Variants in N4BP2 observed in about 807,000 individuals in gnomAD.
The protein encoded by N4BP2 is NEDD4 binding protein 2, also known as NEDD4-binding protein 2.
N4BP2 carries 91 observed loss-of-function variants against 152.8 expected under a neutral mutation model. That is an observed-to-expected ratio of 0.60 (90% confidence interval 0.50 to 0.71). N4BP2 has a LOEUF of 0.71. N4BP2 is among the 30% of genes least tolerant of loss of function. N4BP2 has a pLI of 0.00. For synonymous variants in N4BP2, 646 were observed against 705.3 expected (o/e 0.92, Z 1.33); for missense variants, 1,923 against 2,059.1 (o/e 0.93, Z 1.28).
intron 16 of N4BP2, 52 bp from the exon 17 acceptor site, chr4:40,152,728 T>C: frequency 1.9e-6 from 3 of 1,600,254 alleles, no homozygotes; most frequent in Non-Finnish European, 2.6e-6. Flanking sequence ...ACGTTTTCTA[T>C]TGAGAATGTA....
chr4:40,096,620 G>A (rs574223726), intron 2 of N4BP2, among the ~76,000 whole-genome samples: 1 of 152,324 alleles, frequency 6.6e-6, no homozygotes, highest in Admixed American at 6.5e-5. Flanking sequence ...GACTGAAGCG[G>A]CAAGGGTGGA....
At chr4:40,175,986 A>G in the N4BP2 span, among the ~76,000 whole-genome samples, 9 of 150,310 alleles carry the variant, frequency 6.0e-5, no homozygotes, top group Non-Finnish European at 8.9e-5. Flanking sequence ...GCTACTTGGG[A>G]GGCTGAGCCA....
the N4BP2 span, among the ~76,000 whole-genome samples, chr4:40,172,234 G>A: frequency 2.0e-5 from 3 of 152,098 alleles, no homozygotes; most frequent in Non-Finnish European, 4.4e-5. Flanking sequence ...GTCTTTTCAT[G>A]TTCTTCTGCC....
At chr4:40,187,242 A>C in the N4BP2 span, among the ~76,000 whole-genome samples, 466 of 152,294 alleles carry the variant, frequency 3.1e-3, 10 homozygotes, top group Admixed American at 0.019. Flanking sequence ...TGTTCTGGTA[A>C]GCTGATTTTC....
At chr4:40,136,557 T>G (rs1719421641) in intron 13 of N4BP2, among the ~76,000 whole-genome samples, 1 of 152,066 alleles carries the variant, frequency 6.6e-6, no homozygotes, top group Admixed American at 6.6e-5. Flanking sequence ...CAGCTAATTT[T>G]TGGGTTTTTT....
At chr4:40,187,787 A>T in the N4BP2 span, among the ~76,000 whole-genome samples, 1 of 152,242 alleles carries the variant, frequency 6.6e-6, no homozygotes, top group African/African-American at 2.4e-5. Context: ...GATGAAAGCC[A>T]TTCTCACACA....
At chr4:40,112,250 T>A (rs1272126394) in intron 6 of N4BP2, 78 bp downstream of exon 6, 11 of 849,092 alleles carry the variant, frequency 1.3e-5, no homozygotes, top group Non-Finnish European at 2.1e-5. Context: ...AAAGTGAATC[T>A]GAAGCACTTA....
chr4:40,143,856 C>T (rs568648605), intron 15 of N4BP2, among the ~76,000 whole-genome samples: 19 of 152,004 alleles, frequency 1.2e-4, no homozygotes, highest in African/African-American at 4.1e-4. Context: ...AGAGACAGAC[C>T]AGTAGGATAT....
At chr4:40,166,592 G>A in the N4BP2 span, 1 of 152,088 alleles carries the variant, frequency 6.6e-6, no homozygotes, top group Non-Finnish European at 1.5e-5. Flanking sequence ...GGGAGGTTGA[G>A]GCAGGAGAAT....
intron 16 of N4BP2, among the ~76,000 whole-genome samples, chr4:40,147,514 C>T (rs562745926): frequency 3.6e-4 from 54 of 149,396 alleles, no homozygotes; most frequent in South Asian, 1.0e-3. Flanking sequence ...CCCCACCTCC[C>T]GGACGGGGCG....
chr4:40,175,865 T>G, the N4BP2 span, among the ~76,000 whole-genome samples: 1 of 140,692 alleles, frequency 7.1e-6, no homozygotes, highest in Non-Finnish European at 1.5e-5. Context: ...CCGAGGTGGG[T>G]GGATCACGAG....
At chr4:40,188,165 G>A in the N4BP2 span, among the ~76,000 whole-genome samples, 3 of 152,240 alleles carry the variant, frequency 2.0e-5, no homozygotes, top group Middle Eastern at 3.2e-3. Flanking sequence ...CAGCTTGAGA[G>A]GCTGGGGTAC....
Position 40,154,240 on chromosome 4 carries a change from T to C in N4BP2, c.*3T>C, listed in dbSNP as rs1721421427. On this transcript the variant is annotated 3_prime_UTR_variant, in exon 18 of 18. Coordinates refer to ENST00000261435, the MANE Select transcript of N4BP2 (RefSeq NM_018177.6). The stretch of plus-strand genomic sequence containing the variant: ...GCTTGAAAGTCATGCTAAAGTAAAA[T>C]AAACATCCTTGAATTAGAAGTATGA... 1 of 1,586,526 alleles carries C rather than the reference T, an allele frequency of 6.3e-7. No homozygotes were observed. The highest frequency in any genetic ancestry group is 8.6e-7 in the Non-Finnish European group (1 of 1,163,288).
chr4:40,172,225 T>C, the N4BP2 span, among the ~76,000 whole-genome samples: 2 of 152,164 alleles, frequency 1.3e-5, no homozygotes, highest in African/African-American at 4.8e-5. Flanking sequence ...AACAATCTAG[T>C]CTTTTCATGT....
chr4:40,098,261 G>T (rs1264132521), intron 3 of N4BP2, among the ~76,000 whole-genome samples: 1 of 152,194 alleles, frequency 6.6e-6, no homozygotes, highest in Non-Finnish European at 1.5e-5. Context: ...GTCAAGAAAC[G>T]TGGGTTGGAT....
At chr4:40,160,459 G>A (rs1475206750), downstream of N4BP2, among the ~76,000 whole-genome samples, 2 of 152,192 alleles carry the variant, frequency 1.3e-5, no homozygotes, top group Admixed American at 6.5e-5. Context: ...GTGATGTTGG[G>A]CAGTGGAGCG....
intron 2 of N4BP2, among the ~76,000 whole-genome samples, chr4:40,084,004 G>A (rs1446901123): frequency 6.6e-6 from 1 of 152,170 alleles, no homozygotes. Flanking sequence ...TGTCACCCAG[G>A]CTGGAGTTGC....
intron 2 of N4BP2, among the ~76,000 whole-genome samples, chr4:40,083,487 A>T (rs1160420745): frequency 6.6e-6 from 1 of 152,246 alleles, no homozygotes; most frequent in African/African-American, 2.4e-5. Context: ...CGTACCATGC[A>T]ATATTTTCTA....
chr4:40,107,948 G>A, intron 5 of N4BP2, among the ~76,000 whole-genome samples: 1 of 147,742 alleles, frequency 6.8e-6, no homozygotes, highest in Non-Finnish European at 1.5e-5. Context: ...TTTTGACACA[G>A]TATCTCGCTC....
Sources: gnomAD v4.1 joint callset for allele counts (sites outside exome capture counted in the v4.1 genomes callset) on GRCh38, gnomAD v4.1.1 for gene constraint, MANE v1.5 for transcripts, NCBI Gene and HGNC (gene_info 2026-07-23, HGNC 2026-07-21) for gene names.